LCA5: variants seen among roughly 807,000 people sequenced by gnomAD.
LCA5 encodes the protein lebercilin LCA5.
In LCA5, 37 loss-of-function variants were observed where a neutral mutation model predicts 53.0. The ratio of observed to expected loss-of-function variants is 0.70; its 90% CI spans 0.54 to 0.92. LCA5 has a LOEUF of 0.92. Among genes scored for constraint, LCA5 ranks in the 40% least tolerant of loss-of-function variants. The pLI, the probability that LCA5 is intolerant of heterozygous loss-of-function variation, is 0.00. For synonymous variants in LCA5, 303 were observed against 282.9 expected (o/e 1.07, Z -0.71); for missense variants, 806 against 790.5 (o/e 1.02, Z -0.23).
At chr6:79,506,857 G>C (rs569987474) in intron 3 of LCA5, among the ~76,000 whole-genome samples, 1 of 152,294 alleles carries the variant, frequency 6.6e-6, no homozygotes, top group East Asian at 1.9e-4. Context: ...TGGAAAGTCT[G>C]TATAACTCAA....
At position 79,485,362 on chromosome 6, in the gene LCA5, AT is replaced by A. The variant is rs1769619384; in HGVS notation, c.*1641del. 1 of 152,600 alleles carries A rather than the reference AT, an allele frequency of 6.6e-6. No homozygotes were observed. Among genetic ancestry groups the A allele is most frequent in the Admixed American group, 6.5e-5 (1 of 15,274 alleles). 9.5% of individuals were successfully genotyped at this position (152,600 alleles called of 1,614,324 possible). A position where few individuals can be genotyped will look rare whatever the true frequency, so the allele number is the denominator to read the frequency against. Reference sequence around the variant, plus strand: ...CTAGGAACAAAATTAACATTACATAATATTTTACCAATAACTGCATTACAAA... The same window carrying A: ...CTAGGAACAAAATTAACATTACATAAATTTTACCAATAACTGCATTACAAA... On this transcript the variant is annotated 3_prime_UTR_variant, in exon 8 of 8. Transcript: ENST00000369846.
chr6:79,505,549 C>T (rs1474894514), intron 3 of LCA5, among the ~76,000 whole-genome samples: 1 of 152,140 alleles, frequency 6.6e-6, no homozygotes, highest in East Asian at 1.9e-4. Flanking sequence ...CGGAATGTCA[C>T]CTCAGAAATC....
At chr6:79,524,734 G>C (rs2127686359) in intron 1 of LCA5, among the ~76,000 whole-genome samples, 1 of 152,076 alleles carries the variant, frequency 6.6e-6, no homozygotes, top group Non-Finnish European at 1.5e-5. Context: ...CTCCCTAGGT[G>C]CTTTTAGGGC....
At chr6:79,538,027 T>TG (rs1767209267), upstream of LCA5, among the ~76,000 whole-genome samples, 1 of 86,964 alleles carries the variant, frequency 1.1e-5, no homozygotes, top group Non-Finnish European at 2.4e-5. Flanking sequence ...AGTTTTTTTT[T>TG]TTTTTTTTTT....
chr6:79,533,665 C>T (rs1767023079), intron 1 of LCA5, among the ~76,000 whole-genome samples: 3 of 151,350 alleles, frequency 2.0e-5, no homozygotes, highest in South Asian at 2.1e-4. Context: ...CCTAAAGATC[C>T]TCGAGTGCCA....
chr6:79,518,998 A>G lies in LCA5; in HGVS notation c.-104T>C, dbSNP rs1766540573. 6 of 1,075,818 alleles carry G rather than the reference A, an allele frequency of 5.6e-6. No homozygotes were observed. The highest frequency in any genetic ancestry group is 2.6e-4 in the Middle Eastern group (1 of 3,858). 66.6% of individuals were successfully genotyped at this position (1,075,818 alleles called of 1,614,324 possible). ...ATTTTCACAGTCTTCAGATCCTGAT[A>G]ATATTCATTTCTGTGCAATCTATTT... is the stretch of plus-strand genomic sequence containing the variant. On this transcript the variant is annotated 5_prime_UTR_variant, in exon 2 of 8. Coordinates refer to ENST00000369846, the MANE Select transcript of LCA5 (RefSeq NM_001122769.3).
At chr6:79,504,899 G>A (rs754749762) in intron 3 of LCA5, among the ~76,000 whole-genome samples, 4 of 152,066 alleles carry the variant, frequency 2.6e-5, no homozygotes, top group Non-Finnish European at 4.4e-5. Flanking sequence ...TGAAAAAAAT[G>A]TATTGAACAA....
At chr6:79,503,797 T>TGC (rs990979821) in intron 3 of LCA5, among the ~76,000 whole-genome samples, 1 of 152,200 alleles carries the variant, frequency 6.6e-6, no homozygotes, top group Admixed American at 6.6e-5. Context: ...TGTGTGTGTG[T>TGC]GCGCGCGTGC....
intron 1 of LCA5, among the ~76,000 whole-genome samples, chr6:79,522,830 G>T (rs1472878681): frequency 6.6e-6 from 1 of 151,434 alleles, no homozygotes; most frequent in East Asian, 1.9e-4. Context: ...ACAGGCATGC[G>T]CCACCACGCC....
intron 6 of LCA5, among the ~76,000 whole-genome samples, chr6:79,490,292 T>G (rs1486248016): frequency 7.2e-6 from 1 of 139,698 alleles, no homozygotes; most frequent in Non-Finnish European, 1.5e-5. Flanking sequence ...CAATTTCATC[T>G]GACTAAAAAA....
intron 1 of LCA5, among the ~76,000 whole-genome samples, chr6:79,521,390 C>G (rs923580820): frequency 6.6e-6 from 1 of 152,128 alleles, no homozygotes; most frequent in African/African-American, 2.4e-5. Context: ...AATAACTTGA[C>G]TTTATATTCC....
chr6:79,525,054 A>G (rs905316617), intron 1 of LCA5: 1 of 151,938 alleles, frequency 6.6e-6, no homozygotes, highest in Non-Finnish European at 1.5e-5. Context: ...TGTTGTTCCG[A>G]TTTTTAAAAT....
intron 1 of LCA5, among the ~76,000 whole-genome samples, chr6:79,527,777 C>T (rs534878638): frequency 6.6e-6 from 1 of 152,140 alleles, no homozygotes; most frequent in African/African-American, 2.4e-5. Context: ...CCAAAGGAAG[C>T]GTCTTGGGTA....
chr6:79,517,107 T>C (rs1320590756), intron 2 of LCA5, among the ~76,000 whole-genome samples: 2 of 152,126 alleles, frequency 1.3e-5, no homozygotes, highest in Non-Finnish European at 2.9e-5. Context: ...GGTTAGTCTA[T>C]ACTGATTGCA....
Position 79,487,383 on chromosome 6 carries a change from TG to T in LCA5, c.1714del (p.Gln572LysfsTer21). The part of the protein sequence containing the change: ...KTSERSNPFS[Q>X]KSSFLDFQRN... Reference sequence around the variant, plus strand: ...TTGGAAATCCAAAAAACTACTTTTTTGACTAAATGGATTTGACCTCTCTGAT... The same window carrying T: ...TTGGAAATCCAAAAAACTACTTTTTTACTAAATGGATTTGACCTCTCTGAT... On this transcript the variant is annotated frameshift_variant, in exon 8 of 8. Transcript: ENST00000369846. LOFTEE classifies it low-confidence loss of function (END_TRUNC). The T allele has an allele frequency of 6.2e-7, 1 of 1,612,986 alleles. No homozygotes were observed. Among genetic ancestry groups the T allele is most frequent in the South Asian group, 1.1e-5 (1 of 90,894 alleles).
intron 6 of LCA5, 68 bp downstream of exon 6, chr6:79,491,520 G>A (rs190981589): frequency 1.3e-6 from 2 of 1,521,826 alleles, no homozygotes; most frequent in Admixed American, 1.7e-5. Context: ...ATTTTAAAAT[G>A]TCTGATATTG....
intron 1 of LCA5, among the ~76,000 whole-genome samples, chr6:79,536,811 A>G (rs1767146871): frequency 6.6e-6 from 1 of 151,822 alleles, no homozygotes; most frequent in Non-Finnish European, 1.5e-5. Context: ...TTGTTTTAAT[A>G]ACAACCACTT....
chr6:79,528,639 C>T (rs1766864490), intron 1 of LCA5, among the ~76,000 whole-genome samples: 1 of 152,126 alleles, frequency 6.6e-6, no homozygotes, highest in Non-Finnish European at 1.5e-5. Flanking sequence ...AGGCCCGAAA[C>T]CAAATACTTG....
At chr6:79,503,159 G>A (rs79321168) in intron 3 of LCA5, among the ~76,000 whole-genome samples, 1 of 152,160 alleles carries the variant, frequency 6.6e-6, no homozygotes, top group African/African-American at 2.4e-5. Flanking sequence ...TGAAATTATA[G>A]GCATGAGCTA....
Sources: gnomAD v4.1 joint callset for allele counts (sites outside exome capture counted in the v4.1 genomes callset) on GRCh38, gnomAD v4.1.1 for gene constraint, MANE v1.5 for transcripts, NCBI Gene and HGNC (gene_info 2026-07-23, HGNC 2026-07-21) for gene names.